IGDCC3: variants seen among roughly 807,000 people sequenced by gnomAD.
IGDCC3 encodes putative neuronal cell adhesion molecule.
Under a neutral mutation model 72.0 loss-of-function variants are expected in IGDCC3, and 47 were observed. The observed-to-expected ratio is 0.65, with a 90% CI of 0.52 to 0.83. IGDCC3 has a LOEUF of 0.83. Ranked by LOEUF, IGDCC3 falls within the 40% of genes least tolerant of loss-of-function variation. The pLI, the probability that IGDCC3 is intolerant of heterozygous loss-of-function variation, is 0.00. For missense variants in IGDCC3, 1,038 were observed against 1,091.3 expected (o/e 0.95, Z 0.69); for synonymous variants, 477 against 472.8 (o/e 1.01, Z -0.11).
Position 65,337,019 on chromosome 15 carries a change from C to A in IGDCC3, c.410-1063G>T, listed in dbSNP as rs571021137. 2.7e-4 allele frequency among the ~76,000 whole-genome samples: 41 copies of A among 152,256 alleles called. No individual in the cohort carries two copies. The South Asian group carries it at 5.2e-3, about 19-fold the overall frequency. On this transcript the variant is annotated intron_variant, in intron 2 of 13. Transcript: ENST00000327987. ...TCCCCTCCCAGAGGAAGCCCTCCCC[C>A]ACAGCAGCAGGGACACTGGAGCTCG... is the stretch of plus-strand genomic sequence containing the variant.
intron 2 of IGDCC3, among the ~76,000 whole-genome samples, chr15:65,361,557 C>T (rs1332425089): frequency 6.6e-6 from 1 of 152,070 alleles, no homozygotes; most frequent in East Asian, 1.9e-4. Flanking sequence ...CCATTCCAGG[C>T]TCCCAGTTGA....
intron 2 of IGDCC3, among the ~76,000 whole-genome samples, chr15:65,347,473 C>T (rs2140152506): frequency 6.6e-6 from 1 of 152,318 alleles, no homozygotes; most frequent in Non-Finnish European, 1.5e-5. Flanking sequence ...GACCCCTCTC[C>T]ATCTGTCAGT....
rs911972514 is a variant in IGDCC3 at position 65,331,390 on chromosome 15, C to A, written c.1396+22G>T. ...AGAAATAGTGAATTAGAGGAAGGGGCAACAGAGCTGGCCACGCGCACCAGC... is the reference window on the plus strand; with the variant it reads ...AGAAATAGTGAATTAGAGGAAGGGGAAACAGAGCTGGCCACGCGCACCAGC... On this transcript the variant is annotated intron_variant, in intron 8 of 13. Coordinates refer to ENST00000327987, the MANE Select transcript of IGDCC3 (RefSeq NM_004884.4). 2.5e-6 allele frequency: 4 copies of A among 1,586,698 alleles called. 1 individual carries two copies.
At position 65,330,407 on chromosome 15, in the gene IGDCC3, G is replaced by A. The variant is rs376892427; in HGVS notation, c.1754-10C>T. On this transcript the variant is annotated splice_polypyrimidine_tract_variant and intron_variant, in intron 10 of 13. Coordinates refer to ENST00000327987, the MANE Select transcript of IGDCC3 (RefSeq NM_004884.4). ...TACACTGCAGTGGGGTCTGGAGGAA[G>A]GCAGGGCGGATGAGCAACTGCCCCT... 86 of 1,608,424 alleles carry A rather than the reference G, an allele frequency of 5.3e-5. 1 individual carries two copies. In the Middle Eastern group the frequency reaches 1.2e-3, roughly 22 times the overall value.
At chr15:65,331,350 G>A (rs770953216) in intron 8 of IGDCC3, 62 bp downstream of exon 8, 85 of 1,569,602 alleles carry the variant, frequency 5.4e-5, no homozygotes, top group Non-Finnish European at 7.1e-5. Flanking sequence ...ACGACGTGCA[G>A]GATTGGAAGG....
At position 65,330,519 on chromosome 15, in the gene IGDCC3, C is replaced by T. The variant is rs376045327; in HGVS notation, c.1753+31G>A. ...GCCCTCAGCGCCGCACTCTGCCAAG[C>T]CCCCTAGGCTCTGGGCTGTGTCTGC... On this transcript the variant is annotated intron_variant, in intron 10 of 13. Transcript: ENST00000327987. 3.1e-6 allele frequency: 5 copies of T among 1,603,412 alleles called. No individual in the cohort carries two copies. The African/African-American group carries it at 4.0e-5, about 13-fold the overall frequency.
At chr15:65,354,755 A>G (rs2091201813) in intron 2 of IGDCC3, among the ~76,000 whole-genome samples, 1 of 152,190 alleles carries the variant, frequency 6.6e-6, no homozygotes, top group African/African-American at 2.4e-5. Context: ...GCCTGCCACA[A>G]TTCAATGGCT....
In IGDCC3 at chr15:65,341,153, G is replaced by C. The variant is rs190216987; in HGVS notation, c.410-5197C>G. 1.5e-3 allele frequency among the ~76,000 whole-genome samples: 226 copies of C among 152,270 alleles called. 1 individual carries two copies. The highest frequency in any genetic ancestry group is 4.4e-3 in the Admixed American group (67 of 15,296). On this transcript the variant is annotated intron_variant, in intron 2 of 13. Coordinates refer to ENST00000327987, the MANE Select transcript of IGDCC3 (RefSeq NM_004884.4). ...ACCTAGTATTAAAAAAAGAGAGAGA[G>C]AAAAGACCCTAATCTTAGGGAAATG...
At position 65,335,118 on chromosome 15, in the gene IGDCC3, A is replaced by C. The variant is rs572098998; in HGVS notation, c.685+173T>G. Among the ~76,000 whole-genome samples, 5 of 152,300 alleles carry C rather than the reference A, an allele frequency of 3.3e-5. No individual in the cohort carries two copies. The South Asian group carries it at 1.0e-3, about 32-fold the overall frequency. The stretch of plus-strand genomic sequence containing the variant: ...GGATTCCCAGGGGGAAATGAGCCAG[A>C]GATCCAGCCTTAGATTCCTGTGCAC... On this transcript the variant is annotated intron_variant, in intron 4 of 13. Coordinates refer to ENST00000327987, the MANE Select transcript of IGDCC3 (RefSeq NM_004884.4).
At position 65,328,859 on chromosome 15, in the gene IGDCC3, C is replaced by CTG; in HGVS notation, c.*48_*49dup. 3.4e-6 allele frequency: 5 copies of CTG among 1,488,372 alleles called. No homozygotes were observed. The highest frequency in any genetic ancestry group is 4.5e-6 in the Non-Finnish European group (5 of 1,119,742). 92.2% of individuals were successfully genotyped at this position (1,488,372 alleles called of 1,614,324 possible). A position where few individuals can be genotyped will look rare whatever the true frequency, so the allele number is the denominator to read the frequency against. The stretch of plus-strand genomic sequence containing the variant: ...TGACAGTAGAAATCTTGCTTTTGAC[C>CTG]TGAGAATGGGCCCCGCTCCGTCCAC... On this transcript the variant is annotated 3_prime_UTR_variant, in exon 14 of 14. Coordinates refer to ENST00000327987, the MANE Select transcript of IGDCC3 (RefSeq NM_004884.4).
chr15:65,374,959 CA>C, intron 2 of IGDCC3, 137 bp downstream of exon 2: 1 of 706,264 alleles, frequency 1.4e-6, no homozygotes, highest in Non-Finnish European at 2.4e-6. Context: ...CCAGGCACCT[CA>C]AAACCGACCC....
rs548586842 is a variant in IGDCC3, at chr15:65,332,027, C to T, written c.1062G>A (p.Gln354=). The T allele has an allele frequency of 2.0e-5, 32 of 1,614,212 alleles. No individual in the cohort carries two copies. In the Admixed American group the frequency reaches 5.2e-4, roughly 26 times the overall value. Reference sequence around the variant, plus strand: ...ACGTGACATGAGGCGGTGGCTCACCCTGGGCTTGGCAGGTGAACATGGCTG... The same window carrying T: ...ACGTGACATGAGGCGGTGGCTCACCTTGGGCTTGGCAGGTGAACATGGCTG... ...GTTAMFTCQA[Q]GEPPPHVTWL... Residue 354 remains glutamine, a synonymous_variant, in exon 7 of 14, where the codon CAG becomes CAA. Transcript: ENST00000327987.
intron 2 of IGDCC3, among the ~76,000 whole-genome samples, chr15:65,368,010 T>C (rs530497199): frequency 1.9e-4 from 29 of 151,996 alleles, no homozygotes; most frequent in Non-Finnish European, 3.1e-4. Flanking sequence ...AGGCAGACAT[T>C]TTTGGTGGAA....
chr15:65,366,653 TC>T (rs2091289527), intron 2 of IGDCC3, among the ~76,000 whole-genome samples: 1 of 152,144 alleles, frequency 6.6e-6, no homozygotes, highest in Admixed American at 6.5e-5. Flanking sequence ...CACATTTCCT[TC>T]CTGCCTGAGT....
chr15:65,354,693 G>A (rs1002615229), intron 2 of IGDCC3, among the ~76,000 whole-genome samples: 4 of 152,152 alleles, frequency 2.6e-5, no homozygotes, highest in Admixed American at 1.3e-4. Flanking sequence ...GACTTAAACG[G>A]TCATATGTTC....
At chr15:65,356,848 C>CTTGTTTTTTTTTTTT (rs2091225036) in intron 2 of IGDCC3, among the ~76,000 whole-genome samples, 1 of 70,898 alleles carries the variant, frequency 1.4e-5, no homozygotes, top group Non-Finnish European at 2.6e-5. Context: ...AATGGACCTG[C>CTTGTTTTTTTTTTTT]TTTTTTTTTT....
chr15:65,351,366 C>G (rs993932889), intron 2 of IGDCC3, among the ~76,000 whole-genome samples: 1 of 152,116 alleles, frequency 6.6e-6, no homozygotes, highest in African/African-American at 2.4e-5. Context: ...AACTCCATCT[C>G]TACTAAAAAT....
At position 65,328,824 on chromosome 15, in the gene IGDCC3, A is replaced by G. The variant is rs144745548; in HGVS notation, c.*85T>C. ...TGCTGGGGAGCCCCCAGGACCATCC[A>G]AATCCCACATGACAGTAGAAATCTT... On this transcript the variant is annotated 3_prime_UTR_variant, in exon 14 of 14. Coordinates refer to ENST00000327987, the MANE Select transcript of IGDCC3 (RefSeq NM_004884.4). 226 of 1,466,896 alleles carry G rather than the reference A, an allele frequency of 1.5e-4. No homozygotes were observed. The African/African-American group carries it at 2.7e-3, about 18-fold the overall frequency. 90.9% of individuals were successfully genotyped at this position (1,466,896 alleles called of 1,614,324 possible).
At chr15:65,332,676 T>C (rs1595750072) in intron 6 of IGDCC3, among the ~76,000 whole-genome samples, 1 of 152,214 alleles carries the variant, frequency 6.6e-6, no homozygotes, top group East Asian at 1.9e-4. Context: ...TCCCCCGGTC[T>C]CCGGTAGGGA....
Sources: allele counts gnomAD v4.1 joint callset (sites outside exome capture counted in the v4.1 genomes callset), GRCh38; gene constraint gnomAD v4.1.1; transcripts MANE v1.5; gene names NCBI Gene and HGNC (gene_info 2026-07-23, HGNC 2026-07-21).